The following CNTN1 variants were observed in gnomAD, a reference collection of about 807,000 sequenced individuals.
The protein encoded by CNTN1 is contactin-1.
In CNTN1, 38 loss-of-function variants were observed where a neutral mutation model predicts 126.4. The observed-to-expected ratio is 0.30, with a 90% CI of 0.23 to 0.39. The LOEUF (loss-of-function observed/expected upper bound fraction) is 0.39. Among genes scored for constraint, CNTN1 ranks in the 10% least tolerant of loss-of-function variants. The pLI is 1.00. For synonymous variants in CNTN1, 413 were observed against 422.6 expected (o/e 0.98, Z 0.28); for missense variants, 1,009 against 1,248.4 (o/e 0.81, Z 2.89).
chr12:41,053,905 T>C (rs2121049873), intron 23 of CNTN1, among the ~76,000 whole-genome samples: 1 of 151,920 alleles, frequency 6.6e-6, no homozygotes, highest in East Asian at 1.9e-4. Flanking sequence ...ATTGTCTTCT[T>C]GTTCTTTCAT....
intron 1 of CNTN1, among the ~76,000 whole-genome samples, chr12:40,815,987 C>T (rs1404465842): frequency 6.6e-6 from 1 of 152,056 alleles, no homozygotes; most frequent in African/African-American, 2.4e-5. Context: ...GCCTTGCATC[C>T]CAGGGTTAAA....
intron 1 of CNTN1, among the ~76,000 whole-genome samples, chr12:40,768,903 A>G (rs1234717386): frequency 6.6e-6 from 1 of 152,172 alleles, no homozygotes; most frequent in Non-Finnish European, 1.5e-5. Flanking sequence ...TTTTTATTTT[A>G]TTATACATAA....
chr12:41,048,154 T>G (rs1592459206), intron 23 of CNTN1, among the ~76,000 whole-genome samples: 3 of 152,260 alleles, frequency 2.0e-5, no homozygotes, highest in East Asian at 3.9e-4. Context: ...AAGCCTACAC[T>G]TTCATGGCTA....
chr12:40,737,639 C>T (rs1937755814), intron 1 of CNTN1, among the ~76,000 whole-genome samples: 1 of 151,810 alleles, frequency 6.6e-6, no homozygotes, highest in Admixed American at 6.6e-5. Context: ...GTGGGTTTGC[C>T]TTCCCCAGTC....
intron 23 of CNTN1, among the ~76,000 whole-genome samples, chr12:41,039,735 C>A (rs1419184444): frequency 1.3e-5 from 2 of 151,950 alleles, no homozygotes; most frequent in Non-Finnish European, 2.9e-5. Context: ...ATGGAGGAAA[C>A]AGAGATAGCA....
chr12:40,963,577 A>G lies in CNTN1; in HGVS notation c.1804+4343A>G, dbSNP rs1592330363. On this transcript the variant is annotated intron_variant, in intron 15 of 23. Transcript: ENST00000551295. Reference sequence around the variant, plus strand: ...AATATTTATATTTTAAAATGTTAATATTAATATTTAAAATGTTAATATTTA... The same window carrying G: ...AATATTTATATTTTAAAATGTTAATGTTAATATTTAAAATGTTAATATTTA... Among the ~76,000 whole-genome samples, 2 of 118,252 alleles carry G rather than the reference A, an allele frequency of 1.7e-5. 1 individual carries two copies. The highest frequency in any genetic ancestry group is 3.8e-5 in the Non-Finnish European group (2 of 52,236). The allele number at this position is 118,252 out of a possible 152,430, so 77.6% of individuals were successfully genotyped here.
At chr12:40,739,399 C>T (rs1937838237) in intron 1 of CNTN1, among the ~76,000 whole-genome samples, 1 of 151,980 alleles carries the variant, frequency 6.6e-6, no homozygotes, top group Admixed American at 6.6e-5. Flanking sequence ...ACATAATGTG[C>T]AGCGTTTTGA....
intron 20 of CNTN1, among the ~76,000 whole-genome samples, chr12:41,021,552 G>T (rs1367785120): frequency 6.6e-6 from 1 of 151,868 alleles, no homozygotes; most frequent in Non-Finnish European, 1.5e-5. Context: ...GTTACAATTG[G>T]GCTTTCTCAA....
intron 23 of CNTN1, among the ~76,000 whole-genome samples, chr12:41,040,130 T>G (rs1380508753): frequency 6.6e-6 from 1 of 152,130 alleles, no homozygotes; most frequent in Non-Finnish European, 1.5e-5. Context: ...TCTGTCTCTT[T>G]TGAAGCTTCA....
At chr12:40,953,276 G>T (rs577550508) in intron 14 of CNTN1, among the ~76,000 whole-genome samples, 219 of 152,214 alleles carry the variant, frequency 1.4e-3, no homozygotes, top group Middle Eastern at 3.4e-3. Flanking sequence ...CTCATCTGAA[G>T]GGAGGAATTT....
chr12:40,929,741 A>G, intron 6 of CNTN1, 55 bp from the exon 7 acceptor site: 1 of 1,315,592 alleles, frequency 7.6e-7, no homozygotes, highest in Non-Finnish European at 1.1e-6. Flanking sequence ...CTATTAAATT[A>G]TGTAACAACT....
intron 14 of CNTN1, among the ~76,000 whole-genome samples, chr12:40,952,921 C>A (rs1362968006): frequency 2.0e-5 from 3 of 152,138 alleles, no homozygotes; most frequent in Non-Finnish European, 4.4e-5. Flanking sequence ...TCTTTCCAAA[C>A]ATCTATATCT....
chr12:41,069,769 C>G (rs967527458), intron 23 of CNTN1, among the ~76,000 whole-genome samples, 190 bp from the exon 24 acceptor site: 2 of 152,098 alleles, frequency 1.3e-5, no homozygotes. Flanking sequence ...TTCACATGGT[C>G]TCACACAGAA....
intron 17 of CNTN1, among the ~76,000 whole-genome samples, chr12:41,004,853 C>A (rs1249263204): frequency 6.6e-6 from 1 of 152,202 alleles, no homozygotes; most frequent in Non-Finnish European, 1.5e-5. Context: ...CTCTTGAAGA[C>A]AACATACCAA....
intron 1 of CNTN1, among the ~76,000 whole-genome samples, chr12:40,710,819 T>C (rs1401327846): frequency 6.6e-6 from 1 of 152,192 alleles, no homozygotes; most frequent in Non-Finnish European, 1.5e-5. Flanking sequence ...GAATTTCTTA[T>C]GGGTTCTTGC....
At chr12:40,696,642 G>A (rs1453882482) in intron 1 of CNTN1, among the ~76,000 whole-genome samples, 11 of 152,134 alleles carry the variant, frequency 7.2e-5, no homozygotes, top group African/African-American at 2.4e-4. Context: ...GGACTGATCC[G>A]TTGTGTGACC....
intron 1 of CNTN1, among the ~76,000 whole-genome samples, chr12:40,820,553 C>A (rs142635740): frequency 3.0e-4 from 45 of 152,286 alleles, no homozygotes; most frequent in African/African-American, 1.0e-3. Flanking sequence ...AGCCAGTGGT[C>A]TGGAACATGG....
rs778897121 is a variant in CNTN1, at chr12:40,939,400, G to A, written c.1294G>A (p.Val432Met). Residue 432 changes from valine (V) to methionine (M), a missense_variant, in exon 12 of 24, where the codon GTG becomes ATG. Val to Met is a conservative substitution (Grantham distance 21, BLOSUM62 1). Coordinates refer to ENST00000551295, the MANE Select transcript of CNTN1 (RefSeq NM_001843.4). ...GATCCTGGCTGCTAAAGGTGGAAGG[G>A]TGATAATTGAATGCAAACCTAAAGC... Reference protein sequence around the residue: ...KKILAAKGGRVIIECKPKAAP... With the variant: ...KKILAAKGGRMIIECKPKAAP... 63 of 1,613,948 alleles carry A rather than the reference G, an allele frequency of 3.9e-5. 1 individual carries two copies. In the South Asian group the frequency reaches 6.7e-4, roughly 17 times the overall value.
chr12:40,955,728 G>C (rs563759578), intron 14 of CNTN1, among the ~76,000 whole-genome samples: 162 of 152,164 alleles, frequency 1.1e-3, no homozygotes, highest in Non-Finnish European at 1.6e-3. Context: ...TCTAGTGGAA[G>C]AAATCAACAG....
Sources: allele counts gnomAD v4.1 joint callset (sites outside exome capture counted in the v4.1 genomes callset), GRCh38; gene constraint gnomAD v4.1.1; transcripts MANE v1.5; gene names NCBI Gene and HGNC (gene_info 2026-07-23, HGNC 2026-07-21).